The following COL28A1 variants were observed in gnomAD, a reference collection of about 807,000 sequenced individuals.
COL28A1 encodes collagen type XXVIII alpha 1 chain.
A neutral mutation model predicts 150.2 loss-of-function variants in COL28A1; 161 were observed. That is an observed-to-expected ratio of 1.07 (90% CI 0.94 to 1.22). The LOEUF is 1.22. Ranked by LOEUF, COL28A1 falls within the 50% of genes most tolerant of loss-of-function variation. The pLI, the probability that COL28A1 is intolerant of heterozygous loss-of-function variation, is 0.00. For synonymous variants in COL28A1, 552 were observed against 469.7 expected, an observed-to-expected ratio of 1.18 and a Z score of -2.26; for missense variants, 1,617 against 1,388.3, an observed-to-expected ratio of 1.16 and a Z score of -2.62.
chr7:7,520,953 G>A (rs945455299), intron 5 of COL28A1, among the ~76,000 whole-genome samples: 1 of 152,080 alleles, frequency 6.6e-6, no homozygotes, highest in Non-Finnish European at 1.5e-5. Flanking sequence ...TTGTATTTGG[G>A]GAGAAAAACA....
At chr7:7,519,260 G>A (rs939145194) in intron 6 of COL28A1, among the ~76,000 whole-genome samples, 6 of 152,042 alleles carry the variant, frequency 3.9e-5, no homozygotes, top group Admixed American at 1.3e-4. Flanking sequence ...CAGATCTCAT[G>A]TGACTTACTC....
At chr7:7,454,628 G>A (rs573807166) in intron 16 of COL28A1, among the ~76,000 whole-genome samples, 1 of 152,154 alleles carries the variant, frequency 6.6e-6, no homozygotes, top group Non-Finnish European at 1.5e-5. Flanking sequence ...GGAAGCTGTA[G>A]GTAGGAGGTC....
the COL28A1 span, among the ~76,000 whole-genome samples, chr7:7,340,832 C>T: frequency 0.11 from 16,026 of 152,100 alleles, 930 homozygotes; most frequent in Middle Eastern, 0.16. Context: ...CATTTGCACA[C>T]CAACTGGGCA....
At chr7:7,509,244 C>A (rs1188852668) in intron 9 of COL28A1, among the ~76,000 whole-genome samples, 2 of 152,108 alleles carry the variant, frequency 1.3e-5, no homozygotes, top group Non-Finnish European at 2.9e-5. Flanking sequence ...AATCTTCCCA[C>A]CTCAGCTTCC....
Position 7,452,322 on chromosome 7 carries a change from T to C in COL28A1, c.1506A>G (p.Pro502=), listed in dbSNP as rs775889657. 1 of 1,604,814 alleles carries C rather than the reference T, an allele frequency of 6.2e-7. No individual in the cohort carries two copies. Among genetic ancestry groups the C allele is most frequent in the Non-Finnish European group, 8.5e-7 (1 of 1,177,950 alleles). ...TTCTGAGCAGCAGTCAACTCACCTT[T>C]GGACCTTGTACTCCAATTCCCACTG... ...RGPVGIGVQG[P]KGEPGSIGLP... Residue 502 remains proline (P), a synonymous_variant, in exon 18 of 35, where the codon CCA becomes CCG. Coordinates refer to ENST00000399429, the MANE Select transcript of COL28A1 (RefSeq NM_001037763.3).
intron 27 of COL28A1, among the ~76,000 whole-genome samples, chr7:7,403,070 C>G (rs1044956354): frequency 2.0e-5 from 3 of 152,136 alleles, no homozygotes; most frequent in African/African-American, 7.2e-5. Context: ...ATGATGTGGA[C>G]TAGTCAGTGT....
the COL28A1 span, among the ~76,000 whole-genome samples, chr7:7,348,645 CT>C: frequency 0.033 from 1,035 of 31,744 alleles, 5 homozygotes; most frequent in Non-Finnish European, 0.085. Flanking sequence ...AGTTTCTGCT[CT>C]TTTTTTTTTA....
At chr7:7,426,457 A>T (rs779609444) in intron 25 of COL28A1, among the ~76,000 whole-genome samples, 6 of 152,176 alleles carry the variant, frequency 3.9e-5, no homozygotes, top group Admixed American at 6.5e-5. Context: ...GGCAATGTGT[A>T]TTGATTATTG....
intron 26 of COL28A1, among the ~76,000 whole-genome samples, chr7:7,418,862 G>C (rs1294734125): frequency 1.3e-5 from 2 of 152,090 alleles, no homozygotes; most frequent in African/African-American, 4.8e-5. Flanking sequence ...CATTTAAAGT[G>C]ATCTAGAAGG....
the COL28A1 span, among the ~76,000 whole-genome samples, chr7:7,348,805 C>A: frequency 6.6e-6 from 1 of 152,106 alleles, no homozygotes; most frequent in Non-Finnish European, 1.5e-5. Flanking sequence ...AAGAGTGGCA[C>A]AATCATAGTC....
At position 7,477,133 on chromosome 7, in the gene COL28A1, T is replaced by C. The variant is rs1396377849; in HGVS notation, c.1212A>G (p.Gly404=). The change falls in exon 14 of 35, where the codon GGA becomes GGG. Residue 404 remains glycine (G), a synonymous_variant. Coordinates refer to ENST00000399429, the MANE Select transcript of COL28A1 (RefSeq NM_001037763.3). ...TTACCTTTGGTCCTGGAAATCCTTCTCCGGGTAAGCCCCTCTCTCCTGGTA... is the reference window on the plus strand; with the variant it reads ...TTACCTTTGGTCCTGGAAATCCTTCCCCGGGTAAGCCCCTCTCTCCTGGTA... ...EGVPGERGLP[G]EGFPGPKGEK... 2 of 1,343,754 alleles carry C rather than the reference T, an allele frequency of 1.5e-6. No individual in the cohort carries two copies. Among genetic ancestry groups the C allele is most frequent in the Non-Finnish European group, 1.1e-6 (1 of 932,998 alleles). 83.2% of individuals were successfully genotyped at this position (1,343,754 alleles called of 1,614,324 possible).
chr7:7,439,084 T>C lies in COL28A1; in HGVS notation c.1723-1622A>G, dbSNP rs574199011. Among the ~76,000 whole-genome samples the C allele has an allele frequency of 8.5e-5, 13 of 152,338 alleles. No individual in the cohort carries two copies. In the East Asian group the frequency reaches 2.3e-3, roughly 27 times the overall value. ...ACTACTCCTGCCTCCGTCTGACTCA[T>C]GTCCTCTGAAAATTCAATTGCATGA... On this transcript the variant is annotated intron_variant, in intron 21 of 34. Coordinates refer to ENST00000399429, the MANE Select transcript of COL28A1 (RefSeq NM_001037763.3).
intron 22 of COL28A1, 61 bp downstream of exon 22, chr7:7,437,332 AT>A (rs1034824851): frequency 3.1e-5 from 47 of 1,538,330 alleles, no homozygotes; most frequent in East Asian, 1.2e-4. Context: ...TGGTATCATG[AT>A]TTTTTTTTCT....
intron 23 of COL28A1, among the ~76,000 whole-genome samples, 164 bp downstream of exon 23, chr7:7,436,231 A>C (rs1341321299): frequency 6.6e-6 from 1 of 152,252 alleles, no homozygotes; most frequent in Non-Finnish European, 1.5e-5. Context: ...ATGAAAAATA[A>C]ACTATGTGAT....
chr7:7,442,185 A>G (rs1785849767), intron 20 of COL28A1, among the ~76,000 whole-genome samples: 1 of 152,166 alleles, frequency 6.6e-6, no homozygotes, highest in African/African-American at 2.4e-5. Context: ...TCCAATGCAC[A>G]TTCTTCTTGC....
At chr7:7,517,879 G>T (rs772887781) in intron 6 of COL28A1, 42 bp from the exon 7 acceptor site, 1 of 1,609,528 alleles carries the variant, frequency 6.2e-7, no homozygotes, top group Non-Finnish European at 8.5e-7. Context: ...CAGCCCTGAA[G>T]AGTGACTGAT....
intron 27 of COL28A1, among the ~76,000 whole-genome samples, chr7:7,391,088 T>C (rs1782512671): frequency 6.6e-6 from 1 of 152,232 alleles, no homozygotes; most frequent in African/African-American, 2.4e-5. Context: ...ATTTTAAATC[T>C]TTCCCACTTT....
At chr7:7,381,173 C>T (rs1056418525) in intron 28 of COL28A1, among the ~76,000 whole-genome samples, 13 of 152,034 alleles carry the variant, frequency 8.6e-5, no homozygotes, top group African/African-American at 3.1e-4. Context: ...TCTGGTATCT[C>T]CTACATGGTA....
intron 27 of COL28A1, among the ~76,000 whole-genome samples, chr7:7,415,351 G>A (rs1583319579): frequency 6.6e-6 from 1 of 152,190 alleles, no homozygotes; most frequent in East Asian, 1.9e-4. Context: ...TGACTCAGAA[G>A]AATGCCACCA....
Sources: gnomAD v4.1 joint callset for allele counts (sites outside exome capture counted in the v4.1 genomes callset) on GRCh38, gnomAD v4.1.1 for gene constraint, MANE v1.5 for transcripts, NCBI Gene and HGNC (gene_info 2026-07-23, HGNC 2026-07-21) for gene names.